CRISPLD2: variants seen among roughly 807,000 people sequenced by gnomAD.
CRISPLD2 encodes the protein cysteine rich secretory protein LCCL domain containing 2, also known as cysteine-rich secretory protein LCCL domain-containing 2.
In CRISPLD2, 47 loss-of-function variants were observed where a neutral mutation model predicts 71.1. The ratio of observed to expected loss-of-function variants is 0.66; its 90% CI spans 0.52 to 0.84. CRISPLD2 has a LOEUF of 0.84. Ranked by LOEUF, CRISPLD2 falls within the 40% of genes least tolerant of loss-of-function variation. CRISPLD2 has a pLI of 0.00. For missense variants in CRISPLD2, 830 were observed against 651.1 expected, an observed-to-expected ratio of 1.27 and a Z score of -2.99; for synonymous variants, 317 against 250.1, an observed-to-expected ratio of 1.27 and a Z score of -2.52.
chr16:84,876,420 T>C (rs2071518732), intron 11 of CRISPLD2, among the ~76,000 whole-genome samples: 1 of 151,992 alleles, frequency 6.6e-6, no homozygotes, highest in Non-Finnish European at 1.5e-5. Context: ...GAGAATTGCC[T>C]GAACCCAGGA....
intron 6 of CRISPLD2, among the ~76,000 whole-genome samples, chr16:84,862,408 C>T (rs1191760180): frequency 2.0e-5 from 3 of 152,100 alleles, no homozygotes; most frequent in African/African-American, 7.2e-5. Context: ...CTATATTGCC[C>T]AGGCTGGTCT....
intron 13 of CRISPLD2, among the ~76,000 whole-genome samples, chr16:84,888,119 C>T (rs866144059): frequency 7.9e-5 from 12 of 152,224 alleles, no homozygotes; most frequent in East Asian, 1.9e-4. Flanking sequence ...AGGCTAAAAT[C>T]AAGGTGGCAG....
At chr16:84,892,418 G>A (rs765021963) in intron 14 of CRISPLD2, among the ~76,000 whole-genome samples, 24 of 152,166 alleles carry the variant, frequency 1.6e-4, no homozygotes, top group Non-Finnish European at 3.2e-4. Context: ...TGGCCTGGGG[G>A]AGAGTGCAGA....
intron 10 of CRISPLD2, chr16:84,873,526 A>AC (rs1354064312): frequency 0.01 from 1,937 of 185,884 alleles, 81 homozygotes; most frequent in African/African-American, 0.046. Context: ...AACAAAAAAA[A>AC]AACCCACAGC....
At chr16:84,857,602 C>T (rs1409224240) in intron 6 of CRISPLD2, among the ~76,000 whole-genome samples, 2 of 152,208 alleles carry the variant, frequency 1.3e-5, no homozygotes, top group African/African-American at 4.8e-5. Flanking sequence ...GGGAAGATTT[C>T]CCTTCACTGC....
rs1317063079 is a variant in CRISPLD2, at chr16:84,820,003, C to A, written c.-205C>A. Reference sequence around the variant, plus strand: ...GGCACCCACTCGCATCCCAGGGCGTCTCCGGCTGCTCCTATTGAGCTGTCT... The same window carrying A: ...GGCACCCACTCGCATCCCAGGGCGTATCCGGCTGCTCCTATTGAGCTGTCT... On this transcript the variant is annotated 5_prime_UTR_variant, in exon 1 of 15. Transcript: ENST00000262424. The A allele has an allele frequency of 6.6e-6, 1 of 152,320 alleles. No homozygotes were observed. The highest frequency in any genetic ancestry group is 2.4e-5 in the African/African-American group (1 of 41,460). 9.4% of individuals were successfully genotyped at this position (152,320 alleles called of 1,614,324 possible). A position where few individuals can be genotyped will look rare whatever the true frequency, so the allele number is the denominator to read the frequency against.
At chr16:84,837,238 T>A (rs1463977245) in intron 1 of CRISPLD2, among the ~76,000 whole-genome samples, 1 of 152,030 alleles carries the variant, frequency 6.6e-6, no homozygotes, top group African/African-American at 2.4e-5. Context: ...GAGGAGGAGG[T>A]CTGTGGTTCG....
chr16:84,836,158 C>G (rs1210756862), intron 1 of CRISPLD2: 2 of 152,160 alleles, frequency 1.3e-5, no homozygotes, highest in African/African-American at 4.8e-5. Context: ...TCTCAAACAT[C>G]AACAAATTTT....
intron 11 of CRISPLD2, 35 bp downstream of exon 11, chr16:84,873,998 C>G: frequency 2.6e-6 from 4 of 1,557,084 alleles, no homozygotes; most frequent in Non-Finnish European, 2.6e-6. Context: ...ACCATAATAC[C>G]TGGGTTATCT....
At chr16:84,821,446 C>T (rs549981471) in intron 1 of CRISPLD2, among the ~76,000 whole-genome samples, 5 of 152,262 alleles carry the variant, frequency 3.3e-5, no homozygotes, top group South Asian at 2.1e-4. Flanking sequence ...TGCAACACCC[C>T]GGGGAGTAGG....
At chr16:84,873,311 C>G in intron 10 of CRISPLD2, 189 bp downstream of exon 10, 1 of 507,278 alleles carries the variant, frequency 2.0e-6, no homozygotes, top group East Asian at 4.5e-5. Context: ...AAGTCCGTCT[C>G]TACTAAAAAT....
intron 14 of CRISPLD2, among the ~76,000 whole-genome samples, chr16:84,898,635 G>C (rs1439150909): frequency 6.6e-6 from 1 of 152,104 alleles, no homozygotes; most frequent in Non-Finnish European, 1.5e-5. Context: ...ACTGTTTCTT[G>C]CATATGTTTT....
intron 11 of CRISPLD2, among the ~76,000 whole-genome samples, chr16:84,875,418 T>TTTTTTTTTTTTTTC (rs2071509816): frequency 6.7e-6 from 1 of 148,652 alleles, no homozygotes; most frequent in African/African-American, 2.5e-5. Context: ...CATGGACTTT[T>TTTTTTTTTTTTTTC]TTTTTTTTTT....
chr16:84,878,904 C>T lies in CRISPLD2; in HGVS notation c.1229+1394C>T, dbSNP rs538177893. 5.3e-5 allele frequency among the ~76,000 whole-genome samples: 8 copies of T among 152,326 alleles called. No homozygotes were observed. The East Asian group carries it at 1.5e-3, about 29-fold the overall frequency. On this transcript the variant is annotated intron_variant, in intron 12 of 14. Transcript: ENST00000262424. ...GTAGAATTAGAAATAGAATGACAGT[C>T]CCAGGACCCTGGGTTGAAATGCTTT...
chr16:84,831,696 G>A (rs767927454), intron 1 of CRISPLD2, among the ~76,000 whole-genome samples: 3 of 152,138 alleles, frequency 2.0e-5, no homozygotes, highest in South Asian at 2.1e-4. Flanking sequence ...GTGAGTCACC[G>A]CACCTGGCCT....
chr16:84,858,737 A>T (rs1279459333), intron 6 of CRISPLD2, among the ~76,000 whole-genome samples: 1 of 152,242 alleles, frequency 6.6e-6, no homozygotes, highest in African/African-American at 2.4e-5. Flanking sequence ...ATAAAGATAC[A>T]TTGCTGGCCT....
rs760025598 is a variant in CRISPLD2 at position 84,901,787 on chromosome 16, CTTTTTTT to C, written c.1440-4783_1440-4777del. Among the ~76,000 whole-genome samples, 193 of 87,846 alleles carry C rather than the reference CTTTTTTT, an allele frequency of 2.2e-3. 1 individual carries two copies. The highest frequency in any genetic ancestry group is 3.2e-3 in the Non-Finnish European group (158 of 49,230). The allele number at this position is 87,846 out of a possible 152,430, so 57.6% of individuals were successfully genotyped here. ...GCCACTGCACCTGGCACTGGTTGCA[CTTTTTTT>C]TTTTTTTTTTTTTTTTTGATGCAGA... On this transcript the variant is annotated intron_variant, in intron 14 of 14. Coordinates refer to ENST00000262424, the MANE Select transcript of CRISPLD2 (RefSeq NM_031476.4).
At position 84,873,114 on chromosome 16, in the gene CRISPLD2, G is replaced by A. The variant is rs758901132; in HGVS notation, c.1104G>A (p.Gln368=). ...TGAAGTCTGAGAGACACGGCGTGCA[G>A]TCCCTCAGGTAACTACTCTGTGATC... ...FFVKSERHGV[Q]SLSKYKPSSS... Residue 368 remains glutamine (Q), a synonymous_variant, in exon 10 of 15, where the codon CAG becomes CAA. Coordinates refer to ENST00000262424, the MANE Select transcript of CRISPLD2 (RefSeq NM_031476.4). 2 of 1,613,210 alleles carry A rather than the reference G, an allele frequency of 1.2e-6. No homozygotes were observed. The highest frequency in any genetic ancestry group is 1.7e-4 in the Middle Eastern group (1 of 6,056).
At chr16:84,863,510 G>C (rs1917446467) in intron 6 of CRISPLD2, among the ~76,000 whole-genome samples, 2 of 152,230 alleles carry the variant, frequency 1.3e-5, no homozygotes, top group African/African-American at 4.8e-5. Context: ...CACCTGTGTG[G>C]TGATAGAAGG....
Sources: gnomAD v4.1 joint callset for allele counts (sites outside exome capture counted in the v4.1 genomes callset) on GRCh38, gnomAD v4.1.1 for gene constraint, MANE v1.5 for transcripts, NCBI Gene and HGNC (gene_info 2026-07-23, HGNC 2026-07-21) for gene names.